Variants in NAV3 observed in about 807,000 individuals in gnomAD.
NAV3 encodes neuron navigator 3, also known as pore membrane and/or filament interacting like protein 1.
In NAV3, 87 loss-of-function variants were observed where a neutral mutation model predicts 244.7. The observed-to-expected ratio is 0.36, with a 90% CI of 0.30 to 0.42. The LOEUF (loss-of-function observed/expected upper bound fraction) is 0.42, where lower values mean the gene tolerates loss of function less well. NAV3 is among the 20% of genes least tolerant of loss of function. NAV3 has a pLI of 1.00. For synonymous variants in NAV3, 1,126 were observed against 1,042.2 expected (o/e 1.08, Z -1.55); for missense variants, 2,663 against 2,893.3 (o/e 0.92, Z 1.83).
At chr12:78,118,002 T>G in intron 13 of NAV3, 25 bp from the exon 14 acceptor site, 1 of 1,528,846 alleles carries the variant, frequency 6.5e-7, no homozygotes, top group East Asian at 2.3e-5. Context: ...TACATAAAGT[T>G]TTTCTGTAAT....
intron 2 of NAV3, among the ~76,000 whole-genome samples, chr12:77,603,764 C>A (rs914507146): frequency 6.6e-6 from 1 of 152,018 alleles, no homozygotes; most frequent in African/African-American, 2.4e-5. Context: ...CTCCTTCTCT[C>A]ATTCTTCCTT....
chr12:77,772,574 GATTTTTAT>G lies in NAV3; in HGVS notation c.73-167733_73-167726del, dbSNP rs1255317878. 3.3e-5 allele frequency among the ~76,000 whole-genome samples: 5 copies of G among 152,042 alleles called. No individual in the cohort carries two copies. In the East Asian group the frequency reaches 9.6e-4, roughly 29 times the overall value. Reference sequence around the variant, plus strand: ...AAGGAGATGCTAGTTAGCAGGTAAGGATTTTTATATTTTTATATTATTTTGAAGCCAAA... The same window carrying G: ...AAGGAGATGCTAGTTAGCAGGTAAGGATTTTTATATTATTTTGAAGCCAAA... On this transcript the variant is annotated intron_variant, in intron 2 of 8. Transcript: ENST00000550042.
chr12:77,899,359 G>A (rs945351840), intron 1 of NAV3, among the ~76,000 whole-genome samples: 5 of 152,104 alleles, frequency 3.3e-5, no homozygotes, highest in Non-Finnish European at 7.4e-5. Flanking sequence ...AAATTTCACT[G>A]TCATCTTACT....
intron 1 of NAV3, among the ~76,000 whole-genome samples, chr12:77,929,088 A>G (rs1888515476): frequency 6.6e-6 from 1 of 152,204 alleles, no homozygotes; most frequent in Non-Finnish European, 1.5e-5. Flanking sequence ...TAAATGCTGT[A>G]ATAATGATAT....
chr12:77,741,795 T>G (rs531344975), intron 2 of NAV3, among the ~76,000 whole-genome samples: 1 of 152,272 alleles, frequency 6.6e-6, no homozygotes, highest in African/African-American at 2.4e-5. Flanking sequence ...GATGACAAAT[T>G]CATGTTGTTT....
intron 2 of NAV3, among the ~76,000 whole-genome samples, chr12:77,737,939 G>A (rs1309007438): frequency 6.6e-6 from 1 of 152,064 alleles, no homozygotes; most frequent in Non-Finnish European, 1.5e-5. Flanking sequence ...TTTCAATCAT[G>A]CAGCATTTAC....
intron 8 of NAV3, among the ~76,000 whole-genome samples, chr12:78,017,460 G>A (rs1876414331): frequency 6.6e-6 from 1 of 152,000 alleles, no homozygotes; most frequent in Non-Finnish European, 1.5e-5. Context: ...AAGAAATCCA[G>A]ATAAACTGTT....
chr12:78,031,283 G>A (rs1312917525), intron 9 of NAV3, among the ~76,000 whole-genome samples: 3 of 152,156 alleles, frequency 2.0e-5, no homozygotes, highest in East Asian at 3.8e-4. Flanking sequence ...TACTGGTGTC[G>A]TTTTGTGTGT....
intron 8 of NAV3, among the ~76,000 whole-genome samples, chr12:78,012,277 AC>A (rs1415987231): frequency 6.6e-6 from 1 of 151,824 alleles, no homozygotes; most frequent in Non-Finnish European, 1.5e-5. Flanking sequence ...AAGCCACAAC[AC>A]CACCAATTCT....
At chr12:77,694,716 TG>T (rs1875211781) in intron 2 of NAV3, among the ~76,000 whole-genome samples, 1 of 152,146 alleles carries the variant, frequency 6.6e-6, no homozygotes, top group Non-Finnish European at 1.5e-5. Flanking sequence ...AGGCTTTGTT[TG>T]GACCTATTGT....
At chr12:77,807,788 TTCC>T (rs1872061228) in intron 2 of NAV3, among the ~76,000 whole-genome samples, 1 of 152,190 alleles carries the variant, frequency 6.6e-6, no homozygotes. Context: ...TGGTTCCATT[TTCC>T]CCGTCACTTT....
At chr12:77,741,167 G>GAAAAAAAAAAAAAAA (rs1868327621) in intron 2 of NAV3, among the ~76,000 whole-genome samples, 4 of 76,074 alleles carry the variant, frequency 5.3e-5, no homozygotes, top group African/African-American at 1.4e-4. Flanking sequence ...AAAAAAAAAA[G>GAAAAAAAAAAAAAAA]AAAAGAAAGA....
chr12:78,019,485 G>A (rs1876789524), intron 8 of NAV3, among the ~76,000 whole-genome samples: 1 of 152,066 alleles, frequency 6.6e-6, no homozygotes. Flanking sequence ...TATCACAAGA[G>A]TATGAAGTTC....
intron 2 of NAV3, among the ~76,000 whole-genome samples, chr12:77,666,499 A>C (rs1209302682): frequency 2.0e-5 from 3 of 152,056 alleles, no homozygotes; most frequent in Admixed American, 6.6e-5. Flanking sequence ...ATCTATTAGA[A>C]AAAAAAAGAA....
intron 2 of NAV3, among the ~76,000 whole-genome samples, chr12:77,579,657 G>A (rs1215552154): frequency 6.6e-6 from 1 of 152,168 alleles, no homozygotes; most frequent in Admixed American, 6.5e-5. Context: ...TTTTGGAGGA[G>A]GCTAACATAC....
chr12:77,886,735 A>G (rs924887191), intron 1 of NAV3, among the ~76,000 whole-genome samples: 7 of 152,088 alleles, frequency 4.6e-5, no homozygotes, highest in Non-Finnish European at 8.8e-5. Context: ...TTTTTAGAAA[A>G]ATTCTTTTTT....
intron 1 of NAV3, among the ~76,000 whole-genome samples, chr12:77,885,913 A>C (rs1883229065): frequency 1.3e-5 from 2 of 152,162 alleles, no homozygotes; most frequent in African/African-American, 4.8e-5. Context: ...TATTTAAATA[A>C]ATACAACCTT....
chr12:78,191,443 A>G (rs1958974968), intron 34 of NAV3, among the ~76,000 whole-genome samples: 1 of 152,180 alleles, frequency 6.6e-6, no homozygotes, highest in Non-Finnish European at 1.5e-5. Flanking sequence ...GCACGCGCAC[A>G]TACACATACA....
intron 9 of NAV3, among the ~76,000 whole-genome samples, chr12:78,032,487 C>T (rs1879165063): frequency 6.6e-6 from 1 of 152,182 alleles, no homozygotes; most frequent in Non-Finnish European, 1.5e-5. Flanking sequence ...CATAAGTCTT[C>T]AGTGCACCTC....
Sources: gnomAD v4.1 joint callset for allele counts (sites outside exome capture counted in the v4.1 genomes callset) on GRCh38, gnomAD v4.1.1 for gene constraint, MANE v1.5 for transcripts, NCBI Gene and HGNC (gene_info 2026-07-23, HGNC 2026-07-21) for gene names.